The following PCDHGA3 variants were observed in gnomAD, a reference collection of about 807,000 sequenced individuals.
The protein encoded by PCDHGA3 is protocadherin gamma-A3.
PCDHGA3 carries 40 observed loss-of-function variants against 58.5 expected under a neutral mutation model. The ratio of observed to expected loss-of-function variants is 0.68; its 90% CI spans 0.53 to 0.89. PCDHGA3 has a LOEUF of 0.89. Ranked by LOEUF, PCDHGA3 falls within the 40% of genes least tolerant of loss-of-function variation. The pLI is 0.00. For synonymous variants in PCDHGA3, 530 were observed against 525.7 expected (o/e 1.01, Z -0.11); for missense variants, 1,223 against 1,195.9 (o/e 1.02, Z -0.33).
intron 1 of PCDHGA3, chr5:141,365,612 G>A (rs769437434): frequency 6.2e-7 from 1 of 1,613,592 alleles, no homozygotes; most frequent in Admixed American, 1.7e-5. Context: ...CATGGACCAT[G>A]GAACCCCGCC....
chr5:141,415,432 T>G, intron 1 of PCDHGA3: 1 of 1,614,222 alleles, frequency 6.2e-7, no homozygotes, highest in East Asian at 2.2e-5. Flanking sequence ...GGTTCGGGCT[T>G]TCCTGCAGAC....
rs775299266 is a variant in PCDHGA3, at chr5:141,432,192, AC to A, written c.2425-62611del. On this transcript the variant is annotated intron_variant, in intron 1 of 3. Transcript: ENST00000253812. The surrounding 1 kb of genome is among the most constrained non-coding windows in gnomAD (Gnocchi z 6.0). ...TCCCTCGTCTCTGTGACCGCCCACG[AC>A]CCCGACTGTGAAGAGAACGCCCAGA... 5 of 1,613,812 alleles carry A rather than the reference AC, an allele frequency of 3.1e-6. No individual in the cohort carries two copies. Among genetic ancestry groups the A allele is most frequent in the Non-Finnish European group, 4.2e-6 (5 of 1,179,996 alleles).
chr5:141,404,250 C>A lies in PCDHGA3; in HGVS notation c.2424+57793C>A, dbSNP rs1282621596. 2.5e-6 allele frequency: 4 copies of A among 1,613,886 alleles called. No homozygotes were observed. In the Admixed American group the frequency reaches 5.0e-5, roughly 20 times the overall value. On this transcript the variant is annotated intron_variant, in intron 1 of 3. Coordinates refer to ENST00000253812, the MANE Select transcript of PCDHGA3 (RefSeq NM_018916.4). Reference sequence around the variant, plus strand: ...ACAGACAGAGGAACTCCGCCCCTGTCCACAGAAATTCACATCACCCTGCAA... The same window carrying A: ...ACAGACAGAGGAACTCCGCCCCTGTACACAGAAATTCACATCACCCTGCAA...
intron 1 of PCDHGA3, chr5:141,422,952 C>A (rs759618535): frequency 6.2e-7 from 1 of 1,614,254 alleles, no homozygotes; most frequent in Non-Finnish European, 8.5e-7. Context: ...GCTCCACTGG[C>A]GTGGAGCTGG....
Position 141,414,015 on chromosome 5 carries a change from A to T in PCDHGA3, c.2424+67558A>T. ...ACAGGGACGAAGGTGCCAATGGAGA[A>T]GTGACATATTCATTCCGAAAATTAC... On this transcript the variant is annotated intron_variant, in intron 1 of 3. Coordinates refer to ENST00000253812, the MANE Select transcript of PCDHGA3 (RefSeq NM_018916.4). 6.2e-7 allele frequency: 1 copy of T among 1,613,160 alleles called. No individual in the cohort carries two copies.
chr5:141,390,052 G>C (rs2092030783), intron 1 of PCDHGA3: 1 of 1,613,960 alleles, frequency 6.2e-7, no homozygotes, highest in Non-Finnish European at 8.5e-7. Context: ...GCCTCCTGGA[G>C]CTGCTTCCAG....
Position 141,489,140 on chromosome 5 carries a change from G to A in PCDHGA3, c.2425-5667G>A. ...CCTCCGAGCAGTTTTTAAGAGGCTG[G>A]AAGGAGACATAAGAGACTTCAGCTG... is the stretch of plus-strand genomic sequence containing the variant. On this transcript the variant is annotated intron_variant, in intron 1 of 3. Transcript: ENST00000253812. The surrounding 1 kb of genome is among the most constrained non-coding windows in gnomAD (Gnocchi z 4.5). The A allele has an allele frequency of 1.2e-6, 1 of 841,390 alleles. No individual in the cohort carries two copies. Among genetic ancestry groups the A allele is most frequent in the South Asian group, 2.1e-5 (1 of 47,082 alleles). The allele number at this position is 841,390 out of a possible 1,614,324, so 52.1% of individuals were successfully genotyped here.
At chr5:141,426,693 A>G (rs62378458) in intron 1 of PCDHGA3, 1 of 435,784 alleles carries the variant, frequency 2.3e-6, no homozygotes, top group African/African-American at 2.0e-5. Flanking sequence ...CCAAAATAGC[A>G]TTGTTTTACA....
chr5:141,389,341 C>G, intron 1 of PCDHGA3: 1 of 1,614,016 alleles, frequency 6.2e-7, no homozygotes, highest in East Asian at 2.2e-5. Context: ...GGCCAAGTCT[C>G]TTACTGCATC....
intron 1 of PCDHGA3, chr5:141,370,715 A>C (rs767773166): frequency 5.0e-6 from 8 of 1,613,816 alleles, no homozygotes; most frequent in East Asian, 2.2e-5. Flanking sequence ...TGGAATTTGA[A>C]ATGGTTGCTG....
At chr5:141,390,029 C>A in intron 1 of PCDHGA3, 1 of 1,614,086 alleles carries the variant, frequency 6.2e-7, no homozygotes, top group Non-Finnish European at 8.5e-7. Flanking sequence ...GCCTGCGACG[C>A]TCCTCCAGCC....
chr5:141,353,092 G>C (rs377333833), intron 1 of PCDHGA3, among the ~76,000 whole-genome samples: 1 of 152,080 alleles, frequency 6.6e-6, no homozygotes, highest in Non-Finnish European at 1.5e-5. Flanking sequence ...CTGCGGGAGG[G>C]GGTACTAGAT....
rs1205836590 is a variant in PCDHGA3 at position 141,476,270 on chromosome 5, G to A, written c.2425-18537G>A. The A allele has an allele frequency of 6.2e-7, 1 of 1,614,088 alleles. No individual in the cohort carries two copies. Among genetic ancestry groups the A allele is most frequent in the Admixed American group, 1.7e-5 (1 of 60,026 alleles). Reference sequence around the variant, plus strand: ...GGGTTTCGCTGTGGGCAACGTGGTCGCGAACCTTGGTTTGGATCTCGGTAG... The same window carrying A: ...GGGTTTCGCTGTGGGCAACGTGGTCACGAACCTTGGTTTGGATCTCGGTAG... On this transcript the variant is annotated intron_variant, in intron 1 of 3. Transcript: ENST00000253812. The surrounding 1 kb of genome is among the most constrained non-coding windows in gnomAD (Gnocchi z 7.6).
chr5:141,347,137 C>CTCTCTCTCTCTTTCTTTCTTTCTT (rs375338309), intron 1 of PCDHGA3, among the ~76,000 whole-genome samples: 1 of 113,744 alleles, frequency 8.8e-6, no homozygotes, highest in African/African-American at 3.8e-5. Flanking sequence ...CTCTGTTTCT[C>CTCTCTCTCTCTTTCTTTCTTTCTT]TCTTTCTTTC....
chr5:141,510,959 G>A lies in PCDHGA3; in HGVS notation c.2585G>A (p.Gly862Glu). 6.2e-7 allele frequency: 1 copy of A among 1,614,110 alleles called. No individual in the cohort carries two copies. Among genetic ancestry groups the A allele is most frequent in the Non-Finnish European group, 8.5e-7 (1 of 1,180,012 alleles). Residue 862 changes from glycine to glutamate, a missense_variant, in exon 4 of 4, where the codon GGG becomes GAG. Coordinates refer to ENST00000253812, the MANE Select transcript of PCDHGA3 (RefSeq NM_018916.4). ...TCTGTCTCTGCAGAAGCTGCTGATG[G>A]GAGCTCCACCCTGGGAGGGGGTGCC... ...ILASASEAADGSSTLGGGAGT... is the reference protein window; with the variant it reads ...ILASASEAADESSTLGGGAGT...
chr5:141,487,340 G>A lies in PCDHGA3; in HGVS notation c.2425-7467G>A, dbSNP rs2099643329. 6.2e-7 allele frequency: 1 copy of A among 1,614,182 alleles called. No individual in the cohort carries two copies. Among genetic ancestry groups the A allele is most frequent in the Admixed American group, 1.7e-5 (1 of 60,024 alleles). The stretch of plus-strand genomic sequence containing the variant: ...GTGTCTTCGTGGGGCAGCCTGTGGA[G>A]TCACATGCTTTCCTGCTGGCACCTG... On this transcript the variant is annotated intron_variant, in intron 1 of 3. Coordinates refer to ENST00000253812, the MANE Select transcript of PCDHGA3 (RefSeq NM_018916.4). This position sits in a 1 kb window ranked among gnomAD's most constrained non-coding sequence, Gnocchi z 5.0.
At chr5:141,418,458 TG>T in intron 1 of PCDHGA3, 1 of 1,614,010 alleles carries the variant, frequency 6.2e-7, no homozygotes, top group Non-Finnish European at 8.5e-7. Flanking sequence ...CAGAAGACTC[TG>T]GACCGAGAAA....
At chr5:141,418,381 T>C in intron 1 of PCDHGA3, 3 of 1,613,998 alleles carry the variant, frequency 1.9e-6, no homozygotes, top group Non-Finnish European at 2.5e-6. Flanking sequence ...AACTAAGTCC[T>C]AACGAGTATT....
At chr5:141,384,383 C>T in intron 1 of PCDHGA3, 1 of 1,613,946 alleles carries the variant, frequency 6.2e-7, no homozygotes. Flanking sequence ...GCCGAAGACA[C>T]CATCCAGGGG....
Sources: allele counts gnomAD v4.1 joint callset (sites outside exome capture counted in the v4.1 genomes callset), GRCh38; gene constraint gnomAD v4.1.1; non-coding constraint Gnocchi (gnomAD v3.1); transcripts MANE v1.5; gene names NCBI Gene and HGNC (gene_info 2026-07-23, HGNC 2026-07-21).